The following GRIN3A variants were observed in gnomAD, a reference collection of about 807,000 sequenced individuals.
GRIN3A encodes the protein glutamate receptor ionotropic, NMDA 3A.
GRIN3A carries 47 observed loss-of-function variants against 92.4 expected under a neutral mutation model. The observed-to-expected ratio is 0.51, with a 90% CI of 0.40 to 0.65. The LOEUF (loss-of-function observed/expected upper bound fraction) is 0.65. GRIN3A is among the 30% of genes least tolerant of loss of function. The pLI is 0.00. For synonymous variants in GRIN3A, 527 were observed against 540.6 expected, an observed-to-expected ratio of 0.97 and a Z score of 0.35; for missense variants, 1,324 against 1,393.1, an observed-to-expected ratio of 0.95 and a Z score of 0.79.
intron 3 of GRIN3A, among the ~76,000 whole-genome samples, chr9:101,637,449 T>C (rs764061726): frequency 1.3e-5 from 2 of 152,172 alleles, no homozygotes; most frequent in Non-Finnish European, 2.9e-5. Flanking sequence ...TGGGAGGCTG[T>C]AAAAATATGG....
At chr9:101,638,697 A>G (rs1214412390) in intron 3 of GRIN3A, among the ~76,000 whole-genome samples, 1 of 152,248 alleles carries the variant, frequency 6.6e-6, no homozygotes. Context: ...TCCTTAGAAT[A>G]GCTAACCAAC....
At chr9:101,660,715 A>T (rs1220051983) in intron 3 of GRIN3A, among the ~76,000 whole-genome samples, 1 of 151,786 alleles carries the variant, frequency 6.6e-6, no homozygotes, top group African/African-American at 2.4e-5. Context: ...GACACCAAAC[A>T]GAGCTGTCCA....
chr9:101,644,775 T>C (rs1828914511), intron 3 of GRIN3A, among the ~76,000 whole-genome samples: 1 of 151,970 alleles, frequency 6.6e-6, no homozygotes, highest in Non-Finnish European at 1.5e-5. Flanking sequence ...GATTTTTCAG[T>C]GGTCATCATG....
At chr9:101,610,834 C>T (rs963507371) in intron 6 of GRIN3A, among the ~76,000 whole-genome samples, 1 of 152,124 alleles carries the variant, frequency 6.6e-6, no homozygotes, top group African/African-American at 2.4e-5. Context: ...CGCGGTGGCT[C>T]ATGCCTGTAA....
intron 1 of GRIN3A, among the ~76,000 whole-genome samples, chr9:101,693,575 T>C (rs926789326): frequency 6.6e-6 from 1 of 152,174 alleles, no homozygotes; most frequent in African/African-American, 2.4e-5. Context: ...TCCAATTATT[T>C]GCCAGTAATC....
chr9:101,578,090 A>G (rs1244797933), intron 7 of GRIN3A, among the ~76,000 whole-genome samples: 1 of 152,214 alleles, frequency 6.6e-6, no homozygotes, highest in Non-Finnish European at 1.5e-5. Context: ...GCTCAGTATT[A>G]TAAAACGGTA....
At chr9:101,578,272 TCTC>T (rs1322778557) in intron 7 of GRIN3A, among the ~76,000 whole-genome samples, 1 of 152,022 alleles carries the variant, frequency 6.6e-6, no homozygotes, top group Non-Finnish European at 1.5e-5. Flanking sequence ...TCTGTGGAGT[TCTC>T]CTAGAAGACC....
chr9:101,678,634 G>A (rs949890998), intron 2 of GRIN3A, among the ~76,000 whole-genome samples: 7 of 152,034 alleles, frequency 4.6e-5, no homozygotes, highest in African/African-American at 1.7e-4. Flanking sequence ...GAAACTGTAG[G>A]GTGGAAGGAG....
intron 6 of GRIN3A, among the ~76,000 whole-genome samples, chr9:101,612,549 G>A (rs145588048): frequency 4.1e-4 from 63 of 152,246 alleles, no homozygotes; most frequent in African/African-American, 1.3e-3. Context: ...GGGAGTTCTT[G>A]GCAAATAGAG....
At chr9:101,729,940 C>T (rs1428721502) in intron 1 of GRIN3A, among the ~76,000 whole-genome samples, 1 of 152,162 alleles carries the variant, frequency 6.6e-6, no homozygotes, top group African/African-American at 2.4e-5. Flanking sequence ...TAAAATGAAA[C>T]TGTCATTTCT....
At chr9:101,729,156 C>G (rs901063594) in intron 1 of GRIN3A, among the ~76,000 whole-genome samples, 43 of 152,174 alleles carry the variant, frequency 2.8e-4, no homozygotes, top group African/African-American at 1.0e-3. Context: ...ACCTGCCTTC[C>G]AAGGATAAGG....
At position 101,704,902 on chromosome 9, in the gene GRIN3A, T is replaced by C. The variant is rs188574602; in HGVS notation, c.700-17702A>G. ...TATTGGGTTGTAACCTTTTTGTATG[T>C]TGAGGAGCGTCTGTATTGGGAATGC... is the stretch of plus-strand genomic sequence containing the variant. On this transcript the variant is annotated intron_variant, in intron 1 of 8. Transcript: ENST00000361820. 6.6e-5 allele frequency among the ~76,000 whole-genome samples: 10 copies of C among 152,308 alleles called. No individual in the cohort carries two copies. In the East Asian group the frequency reaches 1.9e-3, roughly 29 times the overall value.
chr9:101,607,850 T>A (rs1420908352), intron 6 of GRIN3A, among the ~76,000 whole-genome samples: 1 of 152,136 alleles, frequency 6.6e-6, no homozygotes, highest in East Asian at 1.9e-4. Context: ...AAGAAAAAAA[T>A]AGCCGTTTGA....
chr9:101,715,656 T>C (rs1489430284), intron 1 of GRIN3A, among the ~76,000 whole-genome samples: 17 of 152,094 alleles, frequency 1.1e-4, no homozygotes, highest in Non-Finnish European at 1.3e-4. Context: ...TGGAGACTCA[T>C]AAAAGTTTCA....
Position 101,579,338 on chromosome 9 carries a change from T to C in GRIN3A, c.2789A>G (p.His930Arg). The part of the protein sequence containing the change: ...VTETLQMGIK[H>R]FSGLFVLLCI... The stretch of plus-strand genomic sequence containing the variant: ...CAGCAGCACAAAGAGCCCAGAGAAG[T>C]GTTTGATGCCCATTTGCAAAGTCTG... The change falls in exon 7 of 9, where the codon CAC becomes CGC. Residue 930 changes from histidine to arginine, a missense_variant. Transcript: ENST00000361820. 1 of 1,613,798 alleles carries C rather than the reference T, an allele frequency of 6.2e-7. No individual in the cohort carries two copies.
intron 1 of GRIN3A, among the ~76,000 whole-genome samples, chr9:101,696,038 A>G (rs903221666): frequency 1.2e-4 from 18 of 152,334 alleles, no homozygotes; most frequent in African/African-American, 4.3e-4. Flanking sequence ...CTAGCATGTT[A>G]CAATTTCATT....
intron 1 of GRIN3A, among the ~76,000 whole-genome samples, chr9:101,728,882 A>G (rs1041023672): frequency 2.0e-5 from 3 of 152,152 alleles, no homozygotes; most frequent in Admixed American, 6.5e-5. Context: ...GAGGTGTCCC[A>G]TTTCTGAAAG....
At chr9:101,701,293 G>A (rs542620687) in intron 1 of GRIN3A, among the ~76,000 whole-genome samples, 1 of 152,182 alleles carries the variant, frequency 6.6e-6, no homozygotes, top group South Asian at 2.1e-4. Context: ...TGTCATGGGG[G>A]TTTGTTGTAC....
In GRIN3A at chr9:101,577,760, C is replaced by G. The variant is rs773377584; in HGVS notation, c.3008+8G>C. On this transcript the variant is annotated splice_region_variant and intron_variant, in intron 8 of 8. Transcript: ENST00000361820. ...ATATAAAGACAGTTGCCATTGGCCCCTTCTTACCTCTTTTCCACACGTTTG... is the reference window on the plus strand; with the variant it reads ...ATATAAAGACAGTTGCCATTGGCCCGTTCTTACCTCTTTTCCACACGTTTG... 10 of 1,603,016 alleles carry G rather than the reference C, an allele frequency of 6.2e-6. No homozygotes were observed. The South Asian group carries it at 8.8e-5, about 14-fold the overall frequency.
Sources: allele counts gnomAD v4.1 joint callset (sites outside exome capture counted in the v4.1 genomes callset), GRCh38; gene constraint gnomAD v4.1.1; transcripts MANE v1.5; gene names NCBI Gene and HGNC (gene_info 2026-07-23, HGNC 2026-07-21).